YME1L1: variants seen among roughly 807,000 people sequenced by gnomAD.
YME1L1 encodes the protein YME1 like 1 ATPase.
Under a neutral mutation model 90.4 loss-of-function variants are expected in YME1L1, and 39 were observed. That is an observed-to-expected ratio of 0.43 (90% CI 0.33 to 0.56). The LOEUF (loss-of-function observed/expected upper bound fraction) is 0.56. Ranked by LOEUF, YME1L1 falls within the 20% of genes least tolerant of loss-of-function variation. The pLI is 0.03. For missense variants in YME1L1, 617 were observed against 868.4 expected (o/e 0.71, Z 3.64); for synonymous variants, 284 against 287.3 (o/e 0.99, Z 0.12).
chr10:27,119,499 A>G, intron 13 of YME1L1, 50 bp from the exon 14 acceptor site: 1 of 1,552,576 alleles, frequency 6.4e-7, no homozygotes, highest in Non-Finnish European at 8.7e-7. Context: ...CAGGTAAAAG[A>G]AAGCTCTTCA....
At chr10:27,120,373 A>C (rs1471489051) in intron 13 of YME1L1, 62 bp downstream of exon 13, 2 of 1,216,284 alleles carry the variant, frequency 1.6e-6, no homozygotes, top group Admixed American at 4.0e-5. Flanking sequence ...AAAGGACCAC[A>C]AACAGGGTGA....
At chr10:27,119,495 A>G in intron 13 of YME1L1, 46 bp from the exon 14 acceptor site, 1 of 1,558,974 alleles carries the variant, frequency 6.4e-7, no homozygotes, top group Non-Finnish European at 8.6e-7. Context: ...AAAACAGGTA[A>G]AAGAAAGCTC....
At chr10:27,133,652 T>G (rs1245474171) in intron 7 of YME1L1, among the ~76,000 whole-genome samples, 1 of 152,138 alleles carries the variant, frequency 6.6e-6, no homozygotes, top group Admixed American at 6.5e-5. Flanking sequence ...ACCACGTAAG[T>G]CTGACACTAT....
At chr10:27,120,347 T>C in intron 13 of YME1L1, 88 bp downstream of exon 13, 1 of 881,334 alleles carries the variant, frequency 1.1e-6, no homozygotes, top group Non-Finnish European at 1.7e-6. Context: ...CTTTTAATGT[T>C]AATACATGTA....
chr10:27,150,920 C>CTTTTT (rs142259641), intron 1 of YME1L1, among the ~76,000 whole-genome samples: 30 of 87,642 alleles, frequency 3.4e-4, no homozygotes, highest in South Asian at 1.1e-3. Context: ...ACTCTCTCGC[C>CTTTTT]TTTTTTTTTT....
rs774071595 is a variant in YME1L1 at position 27,123,604 on chromosome 10, A to G, written c.1045T>C (p.Ser349Pro). 1 of 1,613,840 alleles carries G rather than the reference A, an allele frequency of 6.2e-7. No individual in the cohort carries two copies. The highest frequency in any genetic ancestry group is 8.5e-7 in the Non-Finnish European group (1 of 1,179,912). Residue 349 changes from serine (S) to proline (P), a missense_variant, in exon 10 of 19, where the codon TCC becomes CCC. Ser to Pro is a moderately conservative substitution (Grantham distance 74). Transcript: ENST00000376016. Reference sequence around the variant, plus strand: ...CCCACAAACATCTCATCAAATTCGGATCCAGAAGCATAATAAAAAGGAACA... The same window carrying G: ...CCCACAAACATCTCATCAAATTCGGGTCCAGAAGCATAATAAAAAGGAACA... ...ADVPFYYASG[S>P]EFDEMFVGVG...
intron 4 of YME1L1, among the ~76,000 whole-genome samples, chr10:27,141,647 C>G (rs2057088918): frequency 8.0e-6 from 1 of 124,982 alleles, no homozygotes; most frequent in Admixed American, 8.0e-5. Context: ...CACACACACA[C>G]AGACGTCTTA....
chr10:27,149,056 A>T lies in YME1L1; in HGVS notation c.34-16T>A. 1.3e-6 allele frequency: 2 copies of T among 1,578,084 alleles called. No individual in the cohort carries two copies. Among genetic ancestry groups the T allele is most frequent in the South Asian group, 2.4e-5 (2 of 84,846 alleles). On this transcript the variant is annotated splice_polypyrimidine_tract_variant and intron_variant, in intron 1 of 18. Transcript: ENST00000376016. Reference sequence around the variant, plus strand: ...GAACTGTAACCTAGAAAAAGATAAAAGTTAAAAACTAAGTAGTTTTTTTTT... The same window carrying T: ...GAACTGTAACCTAGAAAAAGATAAATGTTAAAAACTAAGTAGTTTTTTTTT...
rs994994054 is a variant in YME1L1, at chr10:27,110,549, T to C, written c.*1428A>G. On this transcript the variant is annotated 3_prime_UTR_variant, in exon 19 of 19. Coordinates refer to ENST00000376016, the MANE Select transcript of YME1L1 (RefSeq NM_014263.4). ...AATGTGTTCTAAAATAATTTTTCTA[T>C]TGAGTTAAATATTCATCTGTAGATC... The C allele has an allele frequency of 2.6e-5, 4 of 152,188 alleles. No homozygotes were observed. Among genetic ancestry groups the C allele is most frequent in the Non-Finnish European group, 4.4e-5 (3 of 68,042 alleles). 9.4% of individuals were successfully genotyped at this position (152,188 alleles called of 1,614,324 possible).
Position 27,119,250 on chromosome 10 carries a change from C to T in YME1L1, c.1567+44G>A, listed in dbSNP as rs372283648. The T allele has an allele frequency of 6.5e-6, 10 of 1,547,208 alleles. No homozygotes were observed. The African/African-American group carries it at 1.4e-4, about 22-fold the overall frequency. ...ATTTGCCCCTAAATGAATTATCTAA[C>T]ACAATGAAAAGTAAAAGACAGAAAA... On this transcript the variant is annotated intron_variant, in intron 14 of 18. Transcript: ENST00000376016.
chr10:27,126,549 T>C (rs1187146520), intron 9 of YME1L1, 147 bp downstream of exon 9: 1 of 510,494 alleles, frequency 2.0e-6, no homozygotes, highest in East Asian at 3.5e-5. Context: ...TGGAATTGTA[T>C]GTTCAGAATG....
chr10:27,142,254 C>A lies in YME1L1; in HGVS notation c.430+133G>T, dbSNP rs1360769318. The A allele has an allele frequency of 2.1e-4, 107 of 512,628 alleles. No individual in the cohort carries two copies. In the Admixed American group the frequency reaches 4.0e-3, roughly 19 times the overall value. The allele number at this position is 512,628 out of a possible 1,614,324, so 31.8% of individuals were successfully genotyped here. ...AAAATTATACAGAAGTACCCAAACT[C>A]ATTAATTCCAAATACTCTTTAGGTC... is the stretch of plus-strand genomic sequence containing the variant. On this transcript the variant is annotated intron_variant, in intron 4 of 18. Transcript: ENST00000376016.
intron 1 of YME1L1, among the ~76,000 whole-genome samples, chr10:27,151,521 T>G (rs1165771244): frequency 1.3e-5 from 2 of 152,208 alleles, no homozygotes; most frequent in Non-Finnish European, 2.9e-5. Flanking sequence ...TCTCATCCCA[T>G]GGATATTGAT....
At chr10:27,136,779 G>C (rs2057032555) in intron 4 of YME1L1, among the ~76,000 whole-genome samples, 1 of 151,036 alleles carries the variant, frequency 6.6e-6, no homozygotes, top group African/African-American at 2.4e-5. Context: ...GCCCAGGCTG[G>C]AGTGCAAGGC....
Position 27,111,904 on chromosome 10 carries a change from G to A in YME1L1, c.*73C>T, listed in dbSNP as rs1171286873. ...ACATCAAGAATGAGGGGAAAGCGTT[G>A]TAAAAGTAGACTACTGCAATGCTAC... On this transcript the variant is annotated 3_prime_UTR_variant, in exon 19 of 19. Coordinates refer to ENST00000376016, the MANE Select transcript of YME1L1 (RefSeq NM_014263.4). The A allele has an allele frequency of 1.6e-5, 25 of 1,556,542 alleles. No individual in the cohort carries two copies. Among genetic ancestry groups the A allele is most frequent in the Non-Finnish European group, 2.1e-5 (24 of 1,130,236 alleles).
At chr10:27,123,476 C>A in intron 10 of YME1L1, 71 bp downstream of exon 10, 1 of 1,492,348 alleles carries the variant, frequency 6.7e-7, no homozygotes, top group Non-Finnish European at 9.0e-7. Context: ...AAGTAATTAG[C>A]AAAGAAAGGG....
rs779648338 is a variant in YME1L1 at position 27,117,597 on chromosome 10, T to C, written c.1698A>G (p.Pro566=). ...TTACATGTCCAAGTGTTGGCCCCCG[T>C]GGCATGATTGTAGCTTTGTTGATAG... ...AMPINKATIM[P]RGPTLGHVSL... is the part of the protein sequence containing the mutation. The change falls in exon 15 of 19, where the codon CCA becomes CCG. Residue 566 remains proline, a synonymous_variant. Coordinates refer to ENST00000376016, the MANE Select transcript of YME1L1 (RefSeq NM_014263.4). 4.3e-6 allele frequency: 7 copies of C among 1,613,874 alleles called. No individual in the cohort carries two copies. In the African/African-American group the frequency reaches 9.3e-5, roughly 22 times the overall value.
At chr10:27,126,567 AT>A (rs2056921672) in intron 9 of YME1L1, 128 bp downstream of exon 9, 1 of 552,664 alleles carries the variant, frequency 1.8e-6, no homozygotes, top group Non-Finnish European at 3.1e-6. Context: ...ATGAACATCT[AT>A]TTTGTAAAAT....
chr10:27,113,219 C>CAA (rs869122796), intron 18 of YME1L1, among the ~76,000 whole-genome samples: 14 of 43,102 alleles, frequency 3.2e-4, no homozygotes, highest in South Asian at 7.6e-4. Flanking sequence ...GATGCTGTCT[C>CAA]AAAAAAAAAA....
Sources: allele counts gnomAD v4.1 joint callset (sites outside exome capture counted in the v4.1 genomes callset), GRCh38; gene constraint gnomAD v4.1.1; transcripts MANE v1.5; gene names NCBI Gene and HGNC (gene_info 2026-07-23, HGNC 2026-07-21).